The following EVI2A variants were observed in gnomAD, a reference collection of about 807,000 sequenced individuals.
The protein encoded by EVI2A is ecotropic viral integration site 2A, also known as protein EVI2A.
A neutral mutation model predicts 13.0 loss-of-function variants in EVI2A; 11 were observed. That is an observed-to-expected ratio of 0.85 (90% CI 0.53 to 1.40). The LOEUF (loss-of-function observed/expected upper bound fraction) is 1.40, where lower values mean the gene tolerates loss of function less well. Ranked by LOEUF, EVI2A falls within the 40% of genes most tolerant of loss-of-function variation. EVI2A has a pLI of 0.00. For synonymous variants in EVI2A, 89 were observed against 98.0 expected (o/e 0.91, Z 0.54); for missense variants, 267 against 279.5 (o/e 0.96, Z 0.32).
chr17:31,320,366 T>C, intron 1 of EVI2A: 4 of 1,561,842 alleles, frequency 2.6e-6, no homozygotes, highest in Non-Finnish European at 3.4e-6. Flanking sequence ...AAAAGGCAGA[T>C]TCTTACCTAG....
chr17:31,321,600 A>G lies in EVI2A; in HGVS notation c.-116T>C, dbSNP rs1467847306. ...AATAGACTTGGAGAATATGAGCCTTAAAGTAAATCTGCAGTAAAAAAGGAT... is the reference window on the plus strand; with the variant it reads ...AATAGACTTGGAGAATATGAGCCTTGAAGTAAATCTGCAGTAAAAAAGGAT... On this transcript the variant is annotated 5_prime_UTR_variant, in exon 1 of 2. Coordinates refer to ENST00000462804, the MANE Select transcript of EVI2A (RefSeq NM_014210.4). The G allele has an allele frequency of 6.6e-6, 1 of 152,162 alleles. No individual in the cohort carries two copies. The highest frequency in any genetic ancestry group is 2.4e-5 in the African/African-American group (1 of 41,432). The allele number at this position is 152,162 out of a possible 1,614,324, so 9.4% of individuals were successfully genotyped here. A position where few individuals can be genotyped will look rare whatever the true frequency, so the allele number is the denominator to read the frequency against.
In EVI2A at chr17:31,317,582, A is replaced by T. The variant is rs2151525262; in HGVS notation, c.*721T>A. On this transcript the variant is annotated 3_prime_UTR_variant, in exon 2 of 2. Coordinates refer to ENST00000462804, the MANE Select transcript of EVI2A (RefSeq NM_014210.4). The stretch of plus-strand genomic sequence containing the variant: ...GCCTATTGGTGTGGCTATAAATCTT[A>T]TTTATTTTAGTTGTGCTCTATTTCT... 6.6e-6 allele frequency: 1 copy of T among 152,224 alleles called. No homozygotes were observed. Among genetic ancestry groups the T allele is most frequent in the African/African-American group, 2.4e-5 (1 of 41,552 alleles). 9.4% of individuals were successfully genotyped at this position (152,224 alleles called of 1,614,324 possible). A position where few individuals can be genotyped will look rare whatever the true frequency, so the allele number is the denominator to read the frequency against.
chr17:31,320,395 G>A (rs371186718), intron 1 of EVI2A: 11 of 1,608,640 alleles, frequency 6.8e-6, no homozygotes, highest in Middle Eastern at 1.6e-4. Context: ...GGTAGGGCCT[G>A]AAAGTCTTTG....
At position 31,318,508 on chromosome 17, in the gene EVI2A, G is replaced by T; in HGVS notation, c.506C>A (p.Ser169Ter). ...LANKVSSLRRSKQVGKRQPRS... is the reference protein window; with the variant it reads ...LANKVSSLRR Reference sequence around the variant, plus strand: ...AGGCTGACGCTTGCCTACTTGTTTTGATCGTCTGAGAGAAGAGACTTTGTT... The same window carrying T: ...AGGCTGACGCTTGCCTACTTGTTTTTATCGTCTGAGAGAAGAGACTTTGTT... The change falls in exon 2 of 2, where the codon TCA (serine) becomes TAA (stop). Residue 169 changes from serine (S) to a stop codon, truncating the protein, a stop_gained. Transcript: ENST00000462804. LOFTEE classifies it high-confidence loss of function. 6.2e-7 allele frequency: 1 copy of T among 1,614,022 alleles called. No homozygotes were observed. Among genetic ancestry groups the T allele is most frequent in the South Asian group, 1.1e-5 (1 of 91,076 alleles).
In EVI2A at chr17:31,318,678, G is replaced by T. The variant is rs1467169900; in HGVS notation, c.336C>A (p.Asn112Lys). 1.2e-6 allele frequency: 2 copies of T among 1,614,094 alleles called. No individual in the cohort carries two copies. The highest frequency in any genetic ancestry group is 2.2e-5 in the South Asian group (2 of 91,084). Residue 112 changes from asparagine to lysine, a missense_variant, in exon 2 of 2, where the codon AAC becomes AAA. Transcript: ENST00000462804. ...NSPSTVQSIE[N>K]TSKSHGEIFK... ...AAATTTCACCATGACTTTTGCTTGT[G>T]TTTTCAATGCTCTGTACTGTTGAAG...
At chr17:31,319,663 G>A (rs1232755930) in intron 1 of EVI2A, among the ~76,000 whole-genome samples, 5 of 151,222 alleles carry the variant, frequency 3.3e-5, no homozygotes, top group African/African-American at 4.9e-5. Flanking sequence ...ATTTTACTGT[G>A]GTGGTTGTCT....
At chr17:31,320,591 T>A (rs1169748636) in intron 1 of EVI2A, 7 of 570,170 alleles carry the variant, frequency 1.2e-5, no homozygotes, top group Non-Finnish European at 1.9e-5. Flanking sequence ...TAATAAACAA[T>A]GCTAACTGGA....
Position 31,321,545 on chromosome 17 carries a change from A to G in EVI2A, c.-61T>C, listed in dbSNP as rs753288838. 6.6e-6 allele frequency: 1 copy of G among 152,164 alleles called. No individual in the cohort carries two copies. Among genetic ancestry groups the G allele is most frequent in the Non-Finnish European group, 1.5e-5 (1 of 68,020 alleles). The allele number at this position is 152,164 out of a possible 1,614,324, so 9.4% of individuals were successfully genotyped here. ...GATTATAACGTGATTTTGATAAACCACTTCTTTTCTTGTCTTCTTTTTAAA... is the reference window on the plus strand; with the variant it reads ...GATTATAACGTGATTTTGATAAACCGCTTCTTTTCTTGTCTTCTTTTTAAA... On this transcript the variant is annotated 5_prime_UTR_variant, in exon 1 of 2. Coordinates refer to ENST00000462804, the MANE Select transcript of EVI2A (RefSeq NM_014210.4).
In EVI2A at chr17:31,318,445, G is replaced by A; in HGVS notation, c.569C>T (p.Pro190Leu). The A allele has an allele frequency of 6.2e-7, 1 of 1,613,942 alleles. No homozygotes were observed. The highest frequency in any genetic ancestry group is 8.5e-7 in the Non-Finnish European group (1 of 1,179,986). Residue 190 changes from proline (P) to leucine (L), a missense_variant, in exon 2 of 2, where the codon CCC becomes CTC. Transcript: ENST00000462804. ...NGDFLASGLW[P>L]AESDTWKRTK... is the part of the protein sequence containing the mutation. ...TCTTTTCCAAGTGTCTGATTCAGCGGGCCATAGACCGCTTGCCAGAAAATC... is the reference window on the plus strand; with the variant it reads ...TCTTTTCCAAGTGTCTGATTCAGCGAGCCATAGACCGCTTGCCAGAAAATC...
Position 31,318,803 on chromosome 17 carries a change from T to C in EVI2A, c.211A>G (p.Lys71Glu). The change falls in exon 2 of 2, where the codon AAA becomes GAA. Residue 71 changes from lysine (K) to glutamate (E), a missense_variant. Coordinates refer to ENST00000462804, the MANE Select transcript of EVI2A (RefSeq NM_014210.4). ...TCAGGCATGTTTGTAGAATTACCTT[T>C]ATAATCTACTTCAGGAGTTATAGGG... ...TNPITPEVDY[K>E]GNSTNMPETS... is the part of the protein sequence containing the mutation. 1.9e-6 allele frequency: 3 copies of C among 1,614,050 alleles called. No homozygotes were observed. Among genetic ancestry groups the C allele is most frequent in the Non-Finnish European group, 2.5e-6 (3 of 1,179,966 alleles).
In EVI2A at chr17:31,318,274, T is replaced by G. The variant is rs895220199; in HGVS notation, c.*29A>C. The stretch of plus-strand genomic sequence containing the variant: ...TGACTTCATTTTTACTCCATAAGCC[T>G]TCTCATTGCTACTTTGCATTTTTCT... On this transcript the variant is annotated 3_prime_UTR_variant, in exon 2 of 2. Coordinates refer to ENST00000462804, the MANE Select transcript of EVI2A (RefSeq NM_014210.4). 1.5e-5 allele frequency: 23 copies of G among 1,572,898 alleles called. No homozygotes were observed. Among genetic ancestry groups the G allele is most frequent in the Non-Finnish European group, 1.8e-5 (21 of 1,163,718 alleles).
Position 31,318,810 on chromosome 17 carries a change from T to TTTATAATA in EVI2A, c.203_204insTATTATAA (p.Asp69IlefsTer19), listed in dbSNP as rs1246922081. On this transcript the variant is annotated frameshift_variant, in exon 2 of 2. Transcript: ENST00000462804. LOFTEE classifies it high-confidence loss of function. ...TGTTTGTAGAATTACCTTTATAATC[T>TTTATAATA]ACTTCAGGAGTTATAGGGTTTGTGT... The TTTATAATA allele has an allele frequency of 6.2e-7, 1 of 1,614,002 alleles. No homozygotes were observed. Among genetic ancestry groups the TTTATAATA allele is most frequent in the East Asian group, 2.2e-5 (1 of 44,868 alleles).
intron 1 of EVI2A, chr17:31,320,651 G>C (rs537454202): frequency 2.3e-6 from 1 of 432,814 alleles, no homozygotes; most frequent in East Asian, 3.4e-5. Context: ...AAATATTCCA[G>C]GATTAAGATT....
rs1312233018 is a variant in EVI2A, at chr17:31,317,350, T to C, written c.*953A>G. Among the ~76,000 whole-genome samples, 1 of 144,766 alleles carries C rather than the reference T, an allele frequency of 6.9e-6. No individual in the cohort carries two copies. Among genetic ancestry groups the C allele is most frequent in the Non-Finnish European group, 1.5e-5 (1 of 66,618 alleles). 95.0% of individuals were successfully genotyped at this position (144,766 alleles called of 152,430 possible). A position where few individuals can be genotyped will look rare whatever the true frequency, so the allele number is the denominator to read the frequency against. On this transcript the variant is annotated 3_prime_UTR_variant, in exon 2 of 2. Coordinates refer to ENST00000462804, the MANE Select transcript of EVI2A (RefSeq NM_014210.4). ...AAAGGTTAAATTATAACCTGAAGTA[T>C]GCAGTTTTCCAGATTTGAACACACA... is the stretch of plus-strand genomic sequence containing the variant.
rs573519948 is a variant in EVI2A at position 31,318,825 on chromosome 17, A to C, written c.189T>G (p.Pro63=). Residue 63 remains proline, a synonymous_variant, in exon 2 of 2, where the codon CCT becomes CCG. Transcript: ENST00000462804. Reference sequence around the variant, plus strand: ...CTTTATAATCTACTTCAGGAGTTATAGGGTTTGTGTTAATGTTTTCATTTT... The same window carrying C: ...CTTTATAATCTACTTCAGGAGTTATCGGGTTTGTGTTAATGTTTTCATTTT... The part of the protein sequence containing the change: ...RNQNENINTN[P]ITPEVDYKGN... 57 of 1,613,888 alleles carry C rather than the reference A, an allele frequency of 3.5e-5. No homozygotes were observed. The Middle Eastern group carries it at 6.6e-4, about 19-fold the overall frequency.
intron 1 of EVI2A, chr17:31,320,526 A>C (rs2069158727): frequency 2.7e-6 from 3 of 1,095,598 alleles, no homozygotes; most frequent in Non-Finnish European, 4.0e-6. Flanking sequence ...ATTAAAATAC[A>C]GAAATTGAAA....
At chr17:31,319,493 A>T (rs903386538) in intron 1 of EVI2A, among the ~76,000 whole-genome samples, 1 of 152,074 alleles carries the variant, frequency 6.6e-6, no homozygotes, top group Non-Finnish European at 1.5e-5. Flanking sequence ...AATAAATGCA[A>T]ATTTTTTTGG....
chr17:31,320,561 A>T, intron 1 of EVI2A: 1 of 739,072 alleles, frequency 1.4e-6, no homozygotes, highest in Non-Finnish European at 2.2e-6. Flanking sequence ...ACGTTGAGTT[A>T]TGCAAACAAA....
At position 31,317,172 on chromosome 17, in the gene EVI2A, G is replaced by T. The variant is rs1441913071; in HGVS notation, c.*1131C>A. The stretch of plus-strand genomic sequence containing the variant: ...GAAATAAATGCCCAGTAAGGGATGA[G>T]ATTTTTGAAATGTGGCCTGATCTTA... On this transcript the variant is annotated 3_prime_UTR_variant, in exon 2 of 2. Coordinates refer to ENST00000462804, the MANE Select transcript of EVI2A (RefSeq NM_014210.4). 6.6e-6 allele frequency among the ~76,000 whole-genome samples: 1 copy of T among 152,080 alleles called. No individual in the cohort carries two copies. Among genetic ancestry groups the T allele is most frequent in the East Asian group, 1.9e-4 (1 of 5,200 alleles).
Sources: gnomAD v4.1 joint callset for allele counts (sites outside exome capture counted in the v4.1 genomes callset) on GRCh38, gnomAD v4.1.1 for gene constraint, MANE v1.5 for transcripts, NCBI Gene and HGNC (gene_info 2026-07-23, HGNC 2026-07-21) for gene names.